PAM: variants seen among roughly 807,000 people sequenced by gnomAD.
The protein encoded by PAM is peptidylglycine alpha-amidating monooxygenase.
PAM carries 72 observed loss-of-function variants against 122.1 expected under a neutral mutation model. That is an observed-to-expected ratio of 0.59 (90% confidence interval 0.49 to 0.72). PAM has a LOEUF of 0.72. Among genes scored for constraint, PAM ranks in the 30% least tolerant of loss-of-function variants. The pLI, the probability that PAM is intolerant of heterozygous loss-of-function variation, is 0.00. For missense variants in PAM, 1,106 were observed against 1,183.7 expected (o/e 0.93, Z 0.96); for synonymous variants, 389 against 404.4 (o/e 0.96, Z 0.46).
chr5:102,761,367 C>G (rs142479682), intron 1 of PAM, among the ~76,000 whole-genome samples: 10 of 152,286 alleles, frequency 6.6e-5, no homozygotes, highest in Admixed American at 5.9e-4. Context: ...TACTGGGAAG[C>G]AAATGCACAA....
At chr5:102,916,067 T>G (rs957694123) in intron 5 of PAM, among the ~76,000 whole-genome samples, 5 of 152,110 alleles carry the variant, frequency 3.3e-5, no homozygotes, top group Non-Finnish European at 7.4e-5. Flanking sequence ...GTCAACATAG[T>G]AGAAGGAAAG....
intron 1 of PAM, among the ~76,000 whole-genome samples, chr5:102,825,766 G>A (rs1453743221): frequency 5.9e-5 from 9 of 152,148 alleles, no homozygotes; most frequent in Admixed American, 1.3e-4. Context: ...AGGATTGCTT[G>A]AGCCCGGAAG....
intron 1 of PAM, among the ~76,000 whole-genome samples, chr5:102,763,983 A>G (rs996406943): frequency 6.6e-6 from 1 of 152,112 alleles, no homozygotes; most frequent in Non-Finnish European, 1.5e-5. Flanking sequence ...TAGCTCTTGC[A>G]TTAATTTAAT....
chr5:102,981,494 A>C (rs956666023), intron 15 of PAM, among the ~76,000 whole-genome samples: 1 of 152,246 alleles, frequency 6.6e-6, no homozygotes, highest in Admixed American at 6.5e-5. Flanking sequence ...ATAAGGTTGT[A>C]GGGGAGTTTG....
intron 1 of PAM, among the ~76,000 whole-genome samples, chr5:102,757,038 C>T (rs963573607): frequency 6.6e-6 from 1 of 152,134 alleles, no homozygotes; most frequent in African/African-American, 2.4e-5. Flanking sequence ...CCTTTAAGAT[C>T]ATCATTTGGC....
intron 17 of PAM, among the ~76,000 whole-genome samples, chr5:103,003,740 C>T (rs1266691458): frequency 6.6e-6 from 1 of 151,970 alleles, no homozygotes; most frequent in Non-Finnish European, 1.5e-5. Context: ...GCTGCTCAGC[C>T]AGATCTAATG....
chr5:102,804,436 A>G (rs925353895), intron 1 of PAM, among the ~76,000 whole-genome samples: 7 of 152,204 alleles, frequency 4.6e-5, no homozygotes, highest in Non-Finnish European at 8.8e-5. Context: ...GAAGAGAAGG[A>G]TCAGGGAAAT....
chr5:102,784,995 T>A (rs561863720), intron 1 of PAM, among the ~76,000 whole-genome samples: 4 of 152,210 alleles, frequency 2.6e-5, no homozygotes, highest in Non-Finnish European at 4.4e-5. Flanking sequence ...TGCCCGCATA[T>A]AATTGGTTTA....
At position 103,025,186 on chromosome 5, in the gene PAM, G is replaced by A. The variant is rs1356693530; in HGVS notation, c.2541G>A (p.Leu847=). The A allele has an allele frequency of 6.2e-7, 1 of 1,613,760 alleles. No individual in the cohort carries two copies. Among genetic ancestry groups the A allele is most frequent in the Non-Finnish European group, 8.5e-7 (1 of 1,179,736 alleles). ...KMENKPTSSE[L]QKMQEKQKLI... ...AGAACAAACCCACCTCCTCAGAATT[G>A]CAGAAGATGCAAGAGAAACAGAAAC... Residue 847 remains leucine (L), a synonymous_variant, in exon 24 of 26, where the codon TTG becomes TTA. Transcript: ENST00000438793.
chr5:102,880,502 A>C (rs1790630657), intron 3 of PAM, among the ~76,000 whole-genome samples: 2 of 152,164 alleles, frequency 1.3e-5, no homozygotes, highest in South Asian at 4.1e-4. Flanking sequence ...CAATAAAACT[A>C]GAAATAGACC....
chr5:102,953,923 G>C (rs550275000), intron 12 of PAM, among the ~76,000 whole-genome samples: 2 of 152,198 alleles, frequency 1.3e-5, no homozygotes, highest in South Asian at 2.1e-4. Context: ...TGAGGCTGGA[G>C]AATCGCTTGA....
intron 2 of PAM, 73 bp downstream of exon 2, chr5:102,866,357 T>C: frequency 1.0e-6 from 1 of 958,904 alleles, no homozygotes; most frequent in Non-Finnish European, 1.7e-6. Flanking sequence ...AACCTGAGTG[T>C]TGGCAAAATA....
intron 4 of PAM, among the ~76,000 whole-genome samples, chr5:102,904,042 A>C (rs1041761165): frequency 7.9e-5 from 12 of 151,662 alleles, no homozygotes; most frequent in Middle Eastern, 6.8e-3. Flanking sequence ...ATGTTGGGAG[A>C]GTGACCATAC....
chr5:102,943,512 T>G (rs1188995872), intron 7 of PAM, among the ~76,000 whole-genome samples: 1 of 152,162 alleles, frequency 6.6e-6, no homozygotes, highest in Non-Finnish European at 1.5e-5. Flanking sequence ...TCCTAGGAAT[T>G]TTAACCTTGG....
At chr5:102,924,897 G>T in intron 5 of PAM, 60 bp from the exon 6 acceptor site, 1 of 892,564 alleles carries the variant, frequency 1.1e-6, no homozygotes, top group South Asian at 1.3e-5. Context: ...CCACCATGGG[G>T]AGCAATTTAT....
intron 7 of PAM, among the ~76,000 whole-genome samples, chr5:102,936,921 G>A (rs904840824): frequency 6.6e-6 from 1 of 152,058 alleles, no homozygotes; most frequent in African/African-American, 2.4e-5. Context: ...TAGAACAGGT[G>A]TGTCAGGGCA....
intron 1 of PAM, among the ~76,000 whole-genome samples, chr5:102,839,990 CTTCTATTAATCATTATACTAGAGG>C (rs1260650283): frequency 1.3e-5 from 2 of 152,222 alleles, no homozygotes; most frequent in Admixed American, 1.3e-4. Flanking sequence ...ACTCCCACTG[CTTCTATTAATCATTATACTAGAGG>C]TTCTAACCAG....
At chr5:102,961,579 T>C (rs554334863) in intron 14 of PAM, among the ~76,000 whole-genome samples, 3 of 152,058 alleles carry the variant, frequency 2.0e-5, no homozygotes, top group Admixed American at 6.6e-5. Flanking sequence ...AATTATTGTA[T>C]ATTTTGTATG....
At chr5:102,956,541 T>G (rs1435747354) in intron 12 of PAM, among the ~76,000 whole-genome samples, 2 of 152,140 alleles carry the variant, frequency 1.3e-5, no homozygotes, top group Non-Finnish European at 2.9e-5. Flanking sequence ...TTTGCTATAC[T>G]TAAGTACATG....
Sources: allele counts gnomAD v4.1 joint callset (sites outside exome capture counted in the v4.1 genomes callset), GRCh38; gene constraint gnomAD v4.1.1; transcripts MANE v1.5; gene names NCBI Gene and HGNC (gene_info 2026-07-23, HGNC 2026-07-21).